The following CACHD1 variants were observed in gnomAD, a reference collection of about 807,000 sequenced individuals.
CACHD1 encodes VWFA and cache domain-containing protein 1.
Under a neutral mutation model 138.7 loss-of-function variants are expected in CACHD1, and 71 were observed. That is an observed-to-expected ratio of 0.51 (90% confidence interval 0.42 to 0.62). The LOEUF (loss-of-function observed/expected upper bound fraction) is 0.62. Among genes scored for constraint, CACHD1 ranks in the 20% least tolerant of loss-of-function variants. The pLI, the probability that CACHD1 is intolerant of heterozygous loss-of-function variation, is 0.00. For synonymous variants in CACHD1, 578 were observed against 591.5 expected, an observed-to-expected ratio of 0.98 and a Z score of 0.33; for missense variants, 1,389 against 1,625.3, an observed-to-expected ratio of 0.85 and a Z score of 2.50.
At chr1:64,474,780 G>A (rs1646164773) in intron 1 of CACHD1, among the ~76,000 whole-genome samples, 1 of 152,268 alleles carries the variant, frequency 6.6e-6, no homozygotes. Flanking sequence ...TTATAGGACA[G>A]TACAGGCTTC....
intron 3 of CACHD1, among the ~76,000 whole-genome samples, chr1:64,598,553 G>A (rs150279663): frequency 2.9e-4 from 44 of 152,274 alleles, no homozygotes; most frequent in African/African-American, 1.0e-3. Context: ...ACGTGAGAGA[G>A]AAATATAAAT....
chr1:64,657,449 T>G (rs1649304187), intron 12 of CACHD1, among the ~76,000 whole-genome samples: 1 of 152,224 alleles, frequency 6.6e-6, no homozygotes. Flanking sequence ...GTTTTGTCTT[T>G]TGGTTCCTTG....
rs1457686401 is a variant in CACHD1 at position 64,658,730 on chromosome 1, G to C, written c.1808G>C (p.Cys603Ser). The C allele has an allele frequency of 1.2e-6, 2 of 1,611,640 alleles. No homozygotes were observed. Among genetic ancestry groups the C allele is most frequent in the East Asian group, 2.2e-5 (1 of 44,848 alleles). ...KMVQDTSFIL[C>S]IVVIQPEIPV... ...GTACAAGACACTTCCTTTATTCTGT[G>C]TATTGTGGTGATACAACCAGAAATA... Residue 603 changes from cysteine (C) to serine (S), a missense_variant, in exon 13 of 27, where the codon TGT becomes TCT. By Grantham distance (112) the Cys-to-Ser change is moderately radical. Transcript: ENST00000651257.
chr1:64,488,461 T>A (rs911410298), intron 1 of CACHD1, among the ~76,000 whole-genome samples: 3 of 152,204 alleles, frequency 2.0e-5, no homozygotes, highest in African/African-American at 7.2e-5. Context: ...GTGGTACTAT[T>A]TTCCAAAATG....
chr1:64,507,392 G>A (rs1646385688), intron 1 of CACHD1, among the ~76,000 whole-genome samples: 1 of 152,230 alleles, frequency 6.6e-6, no homozygotes. Flanking sequence ...GGCCACAGTT[G>A]AGACCACAGC....
chr1:64,535,762 C>T (rs1646627867), intron 1 of CACHD1, among the ~76,000 whole-genome samples: 1 of 152,138 alleles, frequency 6.6e-6, no homozygotes, highest in African/African-American at 2.4e-5. Flanking sequence ...AGGCCACCTC[C>T]CTCAGGGCCA....
intron 10 of CACHD1, 67 bp downstream of exon 10, chr1:64,652,377 T>G (rs1339965458): frequency 1.0e-5 from 14 of 1,384,106 alleles, no homozygotes; most frequent in Non-Finnish European, 1.4e-5. Flanking sequence ...GGTATAGATA[T>G]TCTACAAACA....
intron 1 of CACHD1, among the ~76,000 whole-genome samples, chr1:64,502,263 C>T (rs1336819132): frequency 6.6e-6 from 1 of 152,176 alleles, no homozygotes; most frequent in Non-Finnish European, 1.5e-5. Context: ...TGAGCAAATC[C>T]TCCTGAGCCC....
intron 4 of CACHD1, among the ~76,000 whole-genome samples, chr1:64,628,271 T>G (rs1416576688): frequency 1.3e-5 from 2 of 152,196 alleles, no homozygotes; most frequent in African/African-American, 4.8e-5. Context: ...TTACCTTAGC[T>G]CGGAATCTTC....
At chr1:64,676,028 A>G (rs766066157) in intron 21 of CACHD1, 45 bp downstream of exon 21, 2 of 517,150 alleles carry the variant, frequency 3.9e-6, no homozygotes, top group Non-Finnish European at 2.7e-6. Flanking sequence ...TAATAATAAT[A>G]ATAATAATAA....
chr1:64,538,473 C>CT (rs1471020321), intron 1 of CACHD1, among the ~76,000 whole-genome samples: 1 of 152,138 alleles, frequency 6.6e-6, no homozygotes, highest in Admixed American at 6.6e-5. Context: ...ATTGGCATGT[C>CT]AGTAAAATTC....
rs141411282 is a variant in CACHD1 at position 64,601,641 on chromosome 1, C to T, written c.411-1165C>T. Reference sequence around the variant, plus strand: ...AACCTAGTCCCCTTGCTTGTACAATCAGTTCCACGTGTTCTTATGTGTTCT... The same window carrying T: ...AACCTAGTCCCCTTGCTTGTACAATTAGTTCCACGTGTTCTTATGTGTTCT... On this transcript the variant is annotated intron_variant, in intron 3 of 26. Transcript: ENST00000651257. 6.6e-5 allele frequency among the ~76,000 whole-genome samples: 10 copies of T among 152,334 alleles called. No individual in the cohort carries two copies. The East Asian group carries it at 1.9e-3, about 29-fold the overall frequency.
intron 4 of CACHD1, among the ~76,000 whole-genome samples, chr1:64,626,727 A>G (rs1054061483): frequency 6.6e-6 from 1 of 152,202 alleles, no homozygotes; most frequent in Non-Finnish European, 1.5e-5. Context: ...GAAGGCGCCT[A>G]GCATAATGCC....
chr1:64,641,999 G>T, intron 8 of CACHD1, 30 bp downstream of exon 8: 1 of 1,512,478 alleles, frequency 6.6e-7, no homozygotes, highest in Non-Finnish European at 8.8e-7. Context: ...ATTCCTTTCA[G>T]ATCAAAGATC....
At chr1:64,634,007 C>T (rs199662167) in intron 6 of CACHD1, 37 bp from the exon 7 acceptor site, 2 of 1,494,590 alleles carry the variant, frequency 1.3e-6, no homozygotes, top group East Asian at 4.5e-5. Context: ...GGTAGGATAA[C>T]AAGTTTGGTG....
intron 1 of CACHD1, among the ~76,000 whole-genome samples, chr1:64,501,085 C>T (rs906448826): frequency 6.6e-6 from 1 of 151,316 alleles, no homozygotes; most frequent in African/African-American, 2.4e-5. Flanking sequence ...GAAAATTAAC[C>T]TATTTTAACC....
At chr1:64,626,344 C>T (rs961510465) in intron 4 of CACHD1, among the ~76,000 whole-genome samples, 1 of 152,126 alleles carries the variant, frequency 6.6e-6, no homozygotes, top group Non-Finnish European at 1.5e-5. Flanking sequence ...AAAATATTTG[C>T]CATAGATCAA....
chr1:64,663,640 G>T, intron 13 of CACHD1, 55 bp from the exon 14 acceptor site: 1 of 1,605,856 alleles, frequency 6.2e-7, no homozygotes, highest in Non-Finnish European at 8.5e-7. Flanking sequence ...GCCTTTGTTT[G>T]GGATGAGATA....
intron 26 of CACHD1, among the ~76,000 whole-genome samples, chr1:64,688,585 A>G (rs1354002762): frequency 1.3e-5 from 2 of 151,986 alleles, no homozygotes; most frequent in Non-Finnish European, 2.9e-5. Flanking sequence ...TGTCCTTGCC[A>G]TCTCCTCGAG....
Sources: gnomAD v4.1 joint callset for allele counts (sites outside exome capture counted in the v4.1 genomes callset) on GRCh38, gnomAD v4.1.1 for gene constraint, MANE v1.5 for transcripts, NCBI Gene and HGNC (gene_info 2026-07-23, HGNC 2026-07-21) for gene names.